Variants in NHSL2 observed in about 807,000 individuals in gnomAD.
The protein encoded by NHSL2 is NHS-like protein 2.
Under a neutral mutation model 53.4 loss-of-function variants are expected in NHSL2, and 27 were observed. The observed-to-expected ratio is 0.51, with a 90% CI of 0.37 to 0.70. NHSL2 has a LOEUF of 0.70. Among genes scored for constraint, NHSL2 ranks in the 30% least tolerant of loss-of-function variants. The pLI is 0.00. For synonymous variants in NHSL2, 408 were observed against 404.1 expected (o/e 1.01, Z -0.12); for missense variants, 892 against 980.1 (o/e 0.91, Z 1.20).
chrX:72,132,309 A>C (rs2042314168), intron 2 of NHSL2, 75 bp downstream of exon 2: 1 of 929,768 alleles, frequency 1.1e-6, no homozygotes, highest in Non-Finnish European at 1.5e-6. Context: ...GCAAAGAAGA[A>C]AGAGGACAGG....
intron 1 of NHSL2, among the ~76,000 whole-genome samples, chrX:72,069,357 C>A (rs1291329147): frequency 2.0e-5 from 2 of 101,551 alleles, no homozygotes; most frequent in African/African-American, 7.4e-5. Context: ...CTGGGCTGCT[C>A]GACCCGAGTG....
At chrX:72,103,538 A>T (rs775890834) in intron 1 of NHSL2, among the ~76,000 whole-genome samples, 1 of 111,798 alleles carries the variant, frequency 8.9e-6, no homozygotes, top group Non-Finnish European at 1.9e-5. Flanking sequence ...GTAGAGCTGG[A>T]TGAGTCCCAG....
intron 1 of NHSL2, among the ~76,000 whole-genome samples, chrX:71,935,815 G>A (rs933699043): frequency 1.8e-5 from 2 of 112,202 alleles, no homozygotes; most frequent in Non-Finnish European, 3.8e-5. Context: ...CTGGGAAGCT[G>A]CCTGTTGGCT....
intron 4 of NHSL2, 29 bp from the exon 5 acceptor site, chrX:72,137,065 G>C (rs2042361362): frequency 1.7e-6 from 2 of 1,151,673 alleles, no homozygotes; most frequent in Non-Finnish European, 2.3e-6. Flanking sequence ...AAACCAGGAT[G>C]CACCCAAGTG....
At chrX:71,925,223 A>G (rs2041678533) in intron 1 of NHSL2, among the ~76,000 whole-genome samples, 1 of 111,629 alleles carries the variant, frequency 9.0e-6, no homozygotes. Context: ...TTTGCCTGCA[A>G]TAGGATATAC....
chrX:72,120,737 T>C (rs140805622), intron 1 of NHSL2, among the ~76,000 whole-genome samples: 145 of 112,607 alleles, frequency 1.3e-3, no homozygotes, highest in African/African-American at 4.4e-3. Context: ...CACTCCTGCA[T>C]GTGGAGCTCT....
chrX:72,125,046 T>C (rs981328418), intron 1 of NHSL2, among the ~76,000 whole-genome samples: 3 of 87,436 alleles, frequency 3.4e-5, no homozygotes, highest in Non-Finnish European at 7.4e-5. Flanking sequence ...CAGGAAAGCA[T>C]TGGCGCATCT....
At chrX:72,096,767 A>T (rs2041946998) in intron 1 of NHSL2, among the ~76,000 whole-genome samples, 1 of 111,490 alleles carries the variant, frequency 9.0e-6, no homozygotes, top group African/African-American at 3.3e-5. Flanking sequence ...ATTTGAAACT[A>T]TATATTATCA....
intron 1 of NHSL2, among the ~76,000 whole-genome samples, chrX:72,086,666 A>G (rs1249961480): frequency 2.2e-5 from 2 of 92,561 alleles, no homozygotes; most frequent in African/African-American, 8.2e-5. Flanking sequence ...CCTGGGAGAC[A>G]GAGTGAAACT....
intron 1 of NHSL2, among the ~76,000 whole-genome samples, chrX:71,933,766 T>C (rs1480904418): frequency 8.9e-6 from 1 of 111,800 alleles, no homozygotes; most frequent in Non-Finnish European, 1.9e-5. Flanking sequence ...CCCTTCCTCA[T>C]TTCTGCTGCC....
intron 1 of NHSL2, among the ~76,000 whole-genome samples, chrX:71,934,931 A>G (rs1020007398): frequency 1.8e-5 from 2 of 112,235 alleles, no homozygotes; most frequent in African/African-American, 6.5e-5. Context: ...GTGATAACTG[A>G]AAGGAGCCTC....
intron 1 of NHSL2, among the ~76,000 whole-genome samples, chrX:71,992,565 A>G (rs972006182): frequency 8.9e-6 from 1 of 112,648 alleles, no homozygotes; most frequent in Non-Finnish European, 1.9e-5. Flanking sequence ...GTCAAAGTCA[A>G]ATAGAATGGA....
intron 1 of NHSL2, among the ~76,000 whole-genome samples, chrX:72,009,910 C>T (rs762940242): frequency 1.8e-5 from 2 of 112,674 alleles, no homozygotes; most frequent in Non-Finnish European, 1.9e-5. Context: ...CTGCTCTCAG[C>T]CAGGCACAGC....
At chrX:71,928,548 G>T (rs946695873) in intron 1 of NHSL2, among the ~76,000 whole-genome samples, 1 of 111,982 alleles carries the variant, frequency 8.9e-6, no homozygotes, top group Non-Finnish European at 1.9e-5. Flanking sequence ...AAGGGGAGTT[G>T]CATGAGCAAA....
intron 1 of NHSL2, among the ~76,000 whole-genome samples, chrX:72,039,916 C>G (rs918880891): frequency 2.7e-5 from 3 of 111,864 alleles, no homozygotes; most frequent in African/African-American, 9.8e-5. Context: ...ACTCTGTACC[C>G]CAACACCAAG....
At chrX:72,017,411 G>T (rs1176264851) in intron 1 of NHSL2, among the ~76,000 whole-genome samples, 1 of 112,993 alleles carries the variant, frequency 8.9e-6, no homozygotes, top group African/African-American at 3.2e-5. Flanking sequence ...GTTGATGCCT[G>T]GCCTCAAGGT....
intron 1 of NHSL2, chrX:72,130,824 C>T (rs1569482952): frequency 8.3e-7 from 1 of 1,211,570 alleles, no homozygotes; most frequent in East Asian, 3.0e-5. Context: ...TGCGAATGGC[C>T]TTTTTAGCCA....
Position 72,138,536 on chromosome X carries a change from G to C in NHSL2, c.988G>C (p.Ala330Pro). The change falls in exon 6 of 8, where the codon GCA becomes CCA. Residue 330 changes from alanine to proline, a missense_variant. Ala to Pro is a conservative substitution (Grantham distance 27). Coordinates refer to ENST00000633930, the MANE Select transcript of NHSL2 (RefSeq NM_001013627.3). The part of the protein sequence containing the change: ...SVPEGVHGRV[A>P]VGQDARFPSL... ...TCCAGAAGGGGTTCATGGAAGAGTTGCAGTTGGTCAGGATGCTCGGTTCCC... is the reference window on the plus strand; with the variant it reads ...TCCAGAAGGGGTTCATGGAAGAGTTCCAGTTGGTCAGGATGCTCGGTTCCC... 1 of 1,167,049 alleles carries C rather than the reference G, an allele frequency of 8.6e-7. No individual in the cohort carries two copies. The highest frequency in any genetic ancestry group is 1.1e-6 in the Non-Finnish European group (1 of 872,244).
intron 1 of NHSL2, among the ~76,000 whole-genome samples, chrX:71,947,189 C>T (rs748131485): frequency 3.6e-5 from 4 of 111,465 alleles, no homozygotes; most frequent in Non-Finnish European, 5.7e-5. Context: ...CCCTCCCTGC[C>T]TCATGCTCAA....
Sources: gnomAD v4.1 joint callset for allele counts (sites outside exome capture counted in the v4.1 genomes callset) on GRCh38, gnomAD v4.1.1 for gene constraint, MANE v1.5 for transcripts, NCBI Gene and HGNC (gene_info 2026-07-23, HGNC 2026-07-21) for gene names.